Variants in ZMAT4 observed in about 807,000 individuals in gnomAD.
ZMAT4 encodes the protein zinc finger matrin-type protein 4.
A neutral mutation model predicts 28.7 loss-of-function variants in ZMAT4; 17 were observed. The ratio of observed to expected loss-of-function variants is 0.59; its 90% CI spans 0.41 to 0.89. The LOEUF is 0.89. Among genes scored for constraint, ZMAT4 ranks in the 40% least tolerant of loss-of-function variants. The pLI is 0.00. For synonymous variants in ZMAT4, 117 were observed against 109.2 expected, an observed-to-expected ratio of 1.07 and a Z score of -0.44; for missense variants, 240 against 283.8, an observed-to-expected ratio of 0.85 and a Z score of 1.11.
intron 5 of ZMAT4, among the ~76,000 whole-genome samples, chr8:40,638,601 G>A (rs149766291): frequency 4.3e-4 from 66 of 152,346 alleles, no homozygotes; most frequent in Non-Finnish European, 8.7e-4. Flanking sequence ...TACCACAAGA[G>A]TGACTCTGAG....
chr8:40,732,196 T>G (rs140779860), intron 3 of ZMAT4, among the ~76,000 whole-genome samples: 232 of 152,306 alleles, frequency 1.5e-3, no homozygotes, highest in African/African-American at 5.4e-3. Flanking sequence ...ACTGTATGCT[T>G]AAAATGCCTA....
intron 2 of ZMAT4, among the ~76,000 whole-genome samples, chr8:40,810,749 A>G (rs1815282624): frequency 6.6e-6 from 1 of 152,200 alleles, no homozygotes; most frequent in Admixed American, 6.5e-5. Context: ...GGGCACCATG[A>G]GCAGATATAA....
chr8:40,639,674 C>T (rs1806935794), intron 5 of ZMAT4, among the ~76,000 whole-genome samples: 1 of 149,322 alleles, frequency 6.7e-6, no homozygotes, highest in East Asian at 2.0e-4. Context: ...AATGAAGTTA[C>T]AGAGAACCTG....
intron 3 of ZMAT4, among the ~76,000 whole-genome samples, chr8:40,766,216 G>A: frequency 6.6e-6 from 1 of 152,196 alleles, no homozygotes; most frequent in East Asian, 1.9e-4. Context: ...TGTGCAGGAT[G>A]TTAATAAACA....
intron 5 of ZMAT4, among the ~76,000 whole-genome samples, chr8:40,596,079 C>T (rs1463380023): frequency 6.6e-6 from 1 of 151,670 alleles, no homozygotes. Flanking sequence ...GTGACAAGAC[C>T]AAAACTCTGT....
At chr8:40,768,578 C>T (rs7812335) in intron 2 of ZMAT4, among the ~76,000 whole-genome samples, 33,354 of 152,060 alleles carry the variant, frequency 0.22, 3,842 homozygotes, top group Non-Finnish European at 0.25. Flanking sequence ...ATCTGGGTTC[C>T]AGCTCTACCA....
intron 1 of ZMAT4, among the ~76,000 whole-genome samples, chr8:40,882,955 G>C (rs139639805): frequency 1.3e-5 from 2 of 152,060 alleles, no homozygotes; most frequent in African/African-American, 4.8e-5. Context: ...CCTTATTGCC[G>C]TTATCACTCT....
chr8:40,655,631 T>C (rs1455385527), intron 5 of ZMAT4, among the ~76,000 whole-genome samples: 1 of 151,960 alleles, frequency 6.6e-6, no homozygotes, highest in Non-Finnish European at 1.5e-5. Flanking sequence ...TGGAATAGAA[T>C]TGATAGGCCA....
intron 5 of ZMAT4, among the ~76,000 whole-genome samples, chr8:40,616,592 T>C (rs1352302865): frequency 6.6e-6 from 1 of 152,140 alleles, no homozygotes; most frequent in East Asian, 1.9e-4. Flanking sequence ...TGGAGGGACA[T>C]GGATGAAGCT....
At chr8:40,820,855 G>A (rs986962870) in intron 2 of ZMAT4, among the ~76,000 whole-genome samples, 1 of 151,060 alleles carries the variant, frequency 6.6e-6, no homozygotes, top group Non-Finnish European at 1.5e-5. Context: ...GTATGTTTAT[G>A]TGTGTTTGTG....
At chr8:40,771,205 T>TTA (rs1813376826) in intron 2 of ZMAT4, among the ~76,000 whole-genome samples, 1 of 150,916 alleles carries the variant, frequency 6.6e-6, no homozygotes, top group Non-Finnish European at 1.5e-5. Flanking sequence ...TAAATGTATA[T>TTA]TATATATATA....
intron 2 of ZMAT4, among the ~76,000 whole-genome samples, chr8:40,767,973 A>C (rs1299542273): frequency 1.3e-5 from 2 of 152,218 alleles, no homozygotes; most frequent in Non-Finnish European, 1.5e-5. Context: ...CATTGAAATC[A>C]TGTAGCCTAG....
At chr8:40,551,701 G>A (rs1320931327) in intron 6 of ZMAT4, among the ~76,000 whole-genome samples, 3 of 152,148 alleles carry the variant, frequency 2.0e-5, no homozygotes, top group East Asian at 3.9e-4. Flanking sequence ...CATGAAACAA[G>A]ATGGGCTCGC....
At chr8:40,562,708 A>G (rs1198899303) in intron 6 of ZMAT4, among the ~76,000 whole-genome samples, 1 of 151,772 alleles carries the variant, frequency 6.6e-6, no homozygotes, top group African/African-American at 2.4e-5. Flanking sequence ...AACAATGACA[A>G]CCCCTCCTGA....
At chr8:40,711,252 A>G (rs1402961227) in intron 3 of ZMAT4, among the ~76,000 whole-genome samples, 1 of 152,236 alleles carries the variant, frequency 6.6e-6, no homozygotes, top group East Asian at 1.9e-4. Context: ...AGTATCAAAC[A>G]ATAAATGAGG....
At chr8:40,869,614 T>C (rs1817784394) in intron 1 of ZMAT4, among the ~76,000 whole-genome samples, 1 of 152,220 alleles carries the variant, frequency 6.6e-6, no homozygotes, top group Non-Finnish European at 1.5e-5. Flanking sequence ...GGCAGGGATT[T>C]TACCACGTCC....
chr8:40,611,581 C>G (rs1463877928), intron 5 of ZMAT4, among the ~76,000 whole-genome samples: 1 of 152,114 alleles, frequency 6.6e-6, no homozygotes, highest in Non-Finnish European at 1.5e-5. Context: ...ACCTGGTGAT[C>G]CACCCACCTC....
At chr8:40,870,243 C>T (rs746153461) in intron 1 of ZMAT4, among the ~76,000 whole-genome samples, 3 of 152,196 alleles carry the variant, frequency 2.0e-5, no homozygotes, top group Non-Finnish European at 2.9e-5. Context: ...TTCCTCCCCT[C>T]GCCCTCCAGT....
chr8:40,882,498 C>T (rs1290516872), intron 1 of ZMAT4, among the ~76,000 whole-genome samples: 1 of 152,150 alleles, frequency 6.6e-6, no homozygotes, highest in Non-Finnish European at 1.5e-5. Flanking sequence ...TTCTTACTTA[C>T]CAACCCAGAA....
Sources: gnomAD v4.1 joint callset for allele counts (sites outside exome capture counted in the v4.1 genomes callset) on GRCh38, gnomAD v4.1.1 for gene constraint, MANE v1.5 for transcripts, NCBI Gene and HGNC (gene_info 2026-07-23, HGNC 2026-07-21) for gene names.